Variants in SLC22A23 observed in about 807,000 individuals in gnomAD.
The protein encoded by SLC22A23 is ion transporter protein.
SLC22A23 carries 26 observed loss-of-function variants against 61.0 expected under a neutral mutation model. The observed-to-expected ratio is 0.43, with a 90% CI of 0.31 to 0.59. The LOEUF (loss-of-function observed/expected upper bound fraction) is 0.59. Ranked by LOEUF, SLC22A23 falls within the 20% of genes least tolerant of loss-of-function variation. The pLI, the probability that SLC22A23 is intolerant of heterozygous loss-of-function variation, is 0.11. For missense variants in SLC22A23, 796 were observed against 934.7 expected, an observed-to-expected ratio of 0.85 and a Z score of 1.94; for synonymous variants, 430 against 413.9, an observed-to-expected ratio of 1.04 and a Z score of -0.47.
At chr6:3,420,763 C>T (rs376300302) in intron 1 of SLC22A23, among the ~76,000 whole-genome samples, 38 of 152,270 alleles carry the variant, frequency 2.5e-4, no homozygotes, top group Non-Finnish European at 2.8e-4. Flanking sequence ...ACATGATTAA[C>T]CATATATGAA....
Position 3,410,081 on chromosome 6 carries a change from A to T in SLC22A23, c.913+107T>A. 5 of 1,326,390 alleles carry T rather than the reference A, an allele frequency of 3.8e-6. No homozygotes were observed. The South Asian group carries it at 7.8e-5, about 21-fold the overall frequency. 82.2% of individuals were successfully genotyped at this position (1,326,390 alleles called of 1,614,324 possible). ...CCTTTAATGTTTGTGTTTCCACAAA[A>T]CTGCCAGCCCACACGAGCAGCATGC... is the stretch of plus-strand genomic sequence containing the variant. On this transcript the variant is annotated intron_variant, in intron 3 of 9. Coordinates refer to ENST00000406686, the MANE Select transcript of SLC22A23 (RefSeq NM_015482.2). This position sits in a 1 kb window ranked among gnomAD's most constrained non-coding sequence, Gnocchi z 5.0.
intron 4 of SLC22A23, among the ~76,000 whole-genome samples, chr6:3,299,842 C>A (rs1761452098): frequency 6.6e-6 from 1 of 152,104 alleles, no homozygotes; most frequent in South Asian, 2.1e-4. Flanking sequence ...AAGTAGAAAT[C>A]AAAGCTCAAG....
intron 1 of SLC22A23, among the ~76,000 whole-genome samples, chr6:3,419,845 A>G (rs1769999183): frequency 6.6e-6 from 1 of 152,144 alleles, no homozygotes; most frequent in African/African-American, 2.4e-5. Flanking sequence ...TCTCTGGTCA[A>G]ATTTCCTTGG....
At chr6:3,377,096 C>T (rs763382650) in intron 3 of SLC22A23, among the ~76,000 whole-genome samples, 1 of 151,892 alleles carries the variant, frequency 6.6e-6, no homozygotes, top group Non-Finnish European at 1.5e-5. Context: ...CAAATTTGGC[C>T]CACTGCCTGT....
Position 3,456,302 on chromosome 6 carries a change from G to T in SLC22A23, c.258C>A (p.Pro86=). The change falls in exon 1 of 10, where the codon CCC becomes CCA. Residue 86 remains proline (P), a synonymous_variant. Transcript: ENST00000406686. This position sits in a 1 kb window ranked among gnomAD's most constrained non-coding sequence, Gnocchi z 7.1. ...AGCCCCCGCCCAGGCCCCCGAGGAA[G>T]GGCAGCACCGACCCGTCATAGTCCA... ...LLLDYDGSVL[P]FLGGLGGGYQ... 6.4e-7 allele frequency: 1 copy of T among 1,550,860 alleles called. No individual in the cohort carries two copies. Among genetic ancestry groups the T allele is most frequent in the East Asian group, 2.4e-5 (1 of 40,962 alleles).
intron 3 of SLC22A23, among the ~76,000 whole-genome samples, chr6:3,356,812 T>C (rs989191044): frequency 5.3e-5 from 8 of 152,142 alleles, no homozygotes; most frequent in African/African-American, 1.9e-4. Context: ...TTACCTCATA[T>C]GCCCTCACCA....
At chr6:3,396,378 T>C (rs1247144477) in intron 3 of SLC22A23, among the ~76,000 whole-genome samples, 1 of 152,166 alleles carries the variant, frequency 6.6e-6, no homozygotes, top group African/African-American at 2.4e-5. Flanking sequence ...CTGACCAACA[T>C]GGTGAATCCC....
In SLC22A23 at chr6:3,304,431, T is replaced by C. The variant is rs1054213920; in HGVS notation, c.1083-6213A>G. ...CTCATAGAAAAGATTTCAAGGATAT[T>C]ACTGTTTACAAAGGCGTGGTGTGAC... is the stretch of plus-strand genomic sequence containing the variant. On this transcript the variant is annotated intron_variant, in intron 4 of 9. Transcript: ENST00000406686. This position sits in a 1 kb window ranked among gnomAD's most constrained non-coding sequence, Gnocchi z 4.3. 1.3e-5 allele frequency among the ~76,000 whole-genome samples: 2 copies of C among 152,336 alleles called. No homozygotes were observed. Among genetic ancestry groups the C allele is most frequent in the South Asian group, 4.1e-4 (2 of 4,828 alleles).
At chr6:3,388,610 A>G (rs1767457598) in intron 3 of SLC22A23, among the ~76,000 whole-genome samples, 1 of 152,238 alleles carries the variant, frequency 6.6e-6, no homozygotes, top group African/African-American at 2.4e-5. Flanking sequence ...AACCAAGTTC[A>G]TAGCAGCGTT....
At chr6:3,275,335 G>T (rs915742495) in intron 9 of SLC22A23, among the ~76,000 whole-genome samples, 5 of 152,176 alleles carry the variant, frequency 3.3e-5, no homozygotes, top group South Asian at 2.1e-4. Context: ...TAAAATCTAA[G>T]TGCTTAACTT....
chr6:3,373,607 A>C (rs1414091439), intron 3 of SLC22A23, among the ~76,000 whole-genome samples: 1 of 152,146 alleles, frequency 6.6e-6, no homozygotes, highest in East Asian at 1.9e-4. Context: ...TCAAAAGAAG[A>C]AGCTGGGAAG....
At chr6:3,291,699 T>C (rs1047902823) in intron 5 of SLC22A23, 2 of 152,260 alleles carry the variant, frequency 1.3e-5, no homozygotes, top group Admixed American at 6.5e-5. Context: ...CTTGAAAATA[T>C]CATGGTTAAC....
At chr6:3,363,972 G>A (rs969917866) in intron 3 of SLC22A23, among the ~76,000 whole-genome samples, 3 of 152,140 alleles carry the variant, frequency 2.0e-5, no homozygotes, top group Admixed American at 1.3e-4. Context: ...TAGTTGGGTG[G>A]GCCCCAAACG....
chr6:3,358,060 G>C (rs1396008873), intron 3 of SLC22A23, among the ~76,000 whole-genome samples: 1 of 152,138 alleles, frequency 6.6e-6, no homozygotes, highest in Non-Finnish European at 1.5e-5. Context: ...AGACAGGTTA[G>C]GTTCTCAGTA....
intron 2 of SLC22A23, among the ~76,000 whole-genome samples, chr6:3,415,157 T>C (rs1052301456): frequency 6.6e-6 from 1 of 152,216 alleles, no homozygotes; most frequent in Non-Finnish European, 1.5e-5. Flanking sequence ...TTATCATTAT[T>C]GCATATGCAT....
chr6:3,410,112 A>G lies in SLC22A23; in HGVS notation c.913+76T>C. 1.3e-6 allele frequency: 2 copies of G among 1,516,842 alleles called. No homozygotes were observed. Among genetic ancestry groups the G allele is most frequent in the Non-Finnish European group, 1.8e-6 (2 of 1,124,918 alleles). 94.0% of individuals were successfully genotyped at this position (1,516,842 alleles called of 1,614,324 possible). A position where few individuals can be genotyped will look rare whatever the true frequency, so the allele number is the denominator to read the frequency against. On this transcript the variant is annotated intron_variant, in intron 3 of 9. Transcript: ENST00000406686. This position sits in a 1 kb window ranked among gnomAD's most constrained non-coding sequence, Gnocchi z 5.0. ...AGCCCACACGAGCAGCATGCACAGT[A>G]TCTTTCCCAGAACCTCCCAGGCAAC...
chr6:3,415,252 C>T (rs1769607121), intron 2 of SLC22A23, among the ~76,000 whole-genome samples: 2 of 152,168 alleles, frequency 1.3e-5, no homozygotes, highest in Admixed American at 1.3e-4. Flanking sequence ...GTGCAGCTCC[C>T]TACAGACCCC....
chr6:3,284,228 T>G, intron 8 of SLC22A23: 2 of 370,822 alleles, frequency 5.4e-6, no homozygotes, highest in Non-Finnish European at 5.1e-6. Flanking sequence ...TCTATTGGAA[T>G]TCCTCAGCCG....
intron 9 of SLC22A23, 132 bp downstream of exon 9, chr6:3,283,720 G>A (rs1196202829): frequency 4.0e-5 from 60 of 1,497,210 alleles, no homozygotes; most frequent in Admixed American, 3.5e-4. Flanking sequence ...CCTCAGCTAT[G>A]AACCACGAAG....
Sources: gnomAD v4.1 joint callset for allele counts (sites outside exome capture counted in the v4.1 genomes callset) on GRCh38, gnomAD v4.1.1 for gene constraint, Gnocchi (gnomAD v3.1) non-coding constraint, MANE v1.5 for transcripts, NCBI Gene and HGNC (gene_info 2026-07-23, HGNC 2026-07-21) for gene names.